The following STXBP5 variants were observed in gnomAD, a reference collection of about 807,000 sequenced individuals.
STXBP5 encodes syntaxin binding protein 5.
STXBP5 carries 50 observed loss-of-function variants against 152.4 expected under a neutral mutation model. The ratio of observed to expected loss-of-function variants is 0.33; its 90% confidence interval spans 0.26 to 0.42. The LOEUF (loss-of-function observed/expected upper bound fraction) is 0.42. STXBP5 is among the 10% of genes least tolerant of loss of function. The pLI is 1.00. For missense variants in STXBP5, 1,167 were observed against 1,388.6 expected (o/e 0.84, Z 2.54); for synonymous variants, 492 against 494.7 (o/e 0.99, Z 0.07).
intron 2 of STXBP5, among the ~76,000 whole-genome samples, chr6:147,214,959 G>A (rs933256667): frequency 5.3e-5 from 8 of 152,172 alleles, no homozygotes; most frequent in Non-Finnish European, 1.0e-4. Context: ...ATCATAGGGT[G>A]GATGAGTATG....
intron 21 of STXBP5, among the ~76,000 whole-genome samples, chr6:147,344,116 A>G (rs1170859981): frequency 1.3e-5 from 2 of 152,202 alleles, no homozygotes; most frequent in African/African-American, 2.4e-5. Context: ...TAAAAATTGG[A>G]AAGTATTGGC....
In STXBP5 at chr6:147,314,620, C is replaced by G; in HGVS notation, c.1386C>G (p.Phe462Leu). 1 of 1,608,198 alleles carries G rather than the reference C, an allele frequency of 6.2e-7. No homozygotes were observed. The highest frequency in any genetic ancestry group is 8.5e-7 in the Non-Finnish European group (1 of 1,177,718). Residue 462 changes from phenylalanine to leucine, a missense_variant, in exon 14 of 28, where the codon TTC (phenylalanine) becomes TTG (leucine). Physicochemically the swap from Phe to Leu is conservative, Grantham distance 22. Transcript: ENST00000321680. ...GGCATGCTGATGGGTCAGTTAAGTT[C>G]TGGGATGCTTCTGCAAGTAAGTATT... ...ITGHADGSVK[F>L]WDASAITLQV...
chr6:147,249,731 G>A (rs910617063), intron 4 of STXBP5, among the ~76,000 whole-genome samples: 13 of 152,158 alleles, frequency 8.5e-5, no homozygotes, highest in African/African-American at 2.9e-4. Context: ...GTTTCTAAAA[G>A]TGTGGCACAG....
At position 147,324,149 on chromosome 6, in the gene STXBP5, C is replaced by T. The variant is rs556373564; in HGVS notation, c.1803-810C>T. On this transcript the variant is annotated intron_variant, in intron 16 of 27. Transcript: ENST00000321680. ...ATTTGTTTTACAGTGAAAGTAGGTG[C>T]ACACACACACACACAAATTGCTCAT... Among the ~76,000 whole-genome samples, 5 of 150,766 alleles carry T rather than the reference C, an allele frequency of 3.3e-5. No homozygotes were observed. The East Asian group carries it at 7.8e-4, about 23-fold the overall frequency.
At chr6:147,277,033 T>C (rs986099467) in intron 7 of STXBP5, among the ~76,000 whole-genome samples, 5 of 152,102 alleles carry the variant, frequency 3.3e-5, no homozygotes, top group East Asian at 1.9e-4. Flanking sequence ...TTTTGACTTA[T>C]GATGAGTTTA....
At chr6:147,374,706 C>T (rs1785725255) in intron 26 of STXBP5, among the ~76,000 whole-genome samples, 2 of 152,034 alleles carry the variant, frequency 1.3e-5, no homozygotes, top group African/African-American at 4.8e-5. Context: ...GAGCGGAGAG[C>T]CTGACAACTT....
chr6:147,305,180 C>G (rs1562475127), intron 9 of STXBP5, among the ~76,000 whole-genome samples: 1 of 152,186 alleles, frequency 6.6e-6, no homozygotes, highest in African/African-American at 2.4e-5. Flanking sequence ...TTGAATGCCA[C>G]TTGACATTGT....
chr6:147,212,925 C>T (rs1298822252), intron 2 of STXBP5, among the ~76,000 whole-genome samples: 7 of 151,854 alleles, frequency 4.6e-5, no homozygotes, highest in Admixed American at 4.6e-4. Flanking sequence ...TTTTTTAATA[C>T]CATTAACAAA....
intron 2 of STXBP5, among the ~76,000 whole-genome samples, chr6:147,211,050 C>A (rs568428156): frequency 3.9e-5 from 6 of 152,118 alleles, no homozygotes; most frequent in Non-Finnish European, 5.9e-5. Flanking sequence ...CAGAGGCTCA[C>A]GCCTGTAATC....
chr6:147,278,299 G>A (rs1452534872), intron 8 of STXBP5, 95 bp downstream of exon 8: 2 of 1,227,126 alleles, frequency 1.6e-6, no homozygotes, highest in Non-Finnish European at 2.2e-6. Flanking sequence ...TTGATTTTTA[G>A]GATAAGGATG....
chr6:147,243,681 GTGTTA>G (rs1778658734), intron 4 of STXBP5, among the ~76,000 whole-genome samples: 1 of 152,088 alleles, frequency 6.6e-6, no homozygotes, highest in Non-Finnish European at 1.5e-5. Flanking sequence ...ATTGCCTCCT[GTGTTA>G]TGTTGTAGAA....
rs1230109885 is a variant in STXBP5, at chr6:147,204,577, C to T, written c.45C>T (p.Ala15=). Residue 15 remains alanine (A), a synonymous_variant, in exon 1 of 28, where the codon GCC becomes GCT. Coordinates refer to ENST00000321680, the MANE Select transcript of STXBP5 (RefSeq NM_001127715.4). The surrounding 1 kb of genome is among the most constrained non-coding windows in gnomAD (Gnocchi z 4.3). The stretch of plus-strand genomic sequence containing the variant: ...GGAAGGTGCTGGACGGCCTGACCGC[C>T]GGCTCGTCCTCGGCGTCGCAGCAGC... ...NIRKVLDGLT[A]GSSSASQQQQ... 6.2e-7 allele frequency: 1 copy of T among 1,609,990 alleles called. No individual in the cohort carries two copies. Among genetic ancestry groups the T allele is most frequent in the Non-Finnish European group, 8.5e-7 (1 of 1,178,322 alleles).
chr6:147,352,122 C>A (rs1412991710), intron 21 of STXBP5, among the ~76,000 whole-genome samples: 1 of 152,132 alleles, frequency 6.6e-6, no homozygotes, highest in Admixed American at 6.6e-5. Context: ...TAAGTTTATA[C>A]ATTCATTCTT....
intron 17 of STXBP5, among the ~76,000 whole-genome samples, chr6:147,326,094 A>G (rs536350382): frequency 3.6e-4 from 55 of 152,312 alleles, no homozygotes; most frequent in African/African-American, 1.3e-3. Context: ...TCCTGGAACC[A>G]AGCTTCTGAA....
At chr6:147,293,052 ATACT>A (rs1461343118) in intron 9 of STXBP5, 1 of 152,140 alleles carries the variant, frequency 6.6e-6, no homozygotes, top group African/African-American at 2.4e-5. Flanking sequence ...ATATACACAA[ATACT>A]TACCATTGTG....
chr6:147,365,235 T>C (rs967381461), intron 25 of STXBP5, among the ~76,000 whole-genome samples: 2 of 152,190 alleles, frequency 1.3e-5, no homozygotes, highest in South Asian at 4.1e-4. Context: ...TATCTGACAT[T>C]AGATTTAAAT....
chr6:147,252,941 C>T (rs1398470461), intron 4 of STXBP5, among the ~76,000 whole-genome samples: 1 of 152,142 alleles, frequency 6.6e-6, no homozygotes, highest in Non-Finnish European at 1.5e-5. Context: ...AAGAGGGACT[C>T]CTCTCTAACT....
intron 23 of STXBP5, among the ~76,000 whole-genome samples, chr6:147,362,728 G>T (rs770660478): frequency 2.6e-5 from 4 of 152,150 alleles, no homozygotes; most frequent in Middle Eastern, 3.4e-3. Flanking sequence ...TAAAAAACAG[G>T]TGAAATTAAT....
Position 147,211,613 on chromosome 6 carries a change from C to T in STXBP5, c.248+5545C>T, listed in dbSNP as rs745362369. 5.3e-5 allele frequency among the ~76,000 whole-genome samples: 8 copies of T among 152,200 alleles called. 1 individual carries two copies. In the South Asian group the frequency reaches 1.2e-3, roughly 24 times the overall value. On this transcript the variant is annotated intron_variant, in intron 2 of 27. Transcript: ENST00000321680. ...TTTTGTTTGTTTGTTTATTTTGAGT[C>T]GGGGTCTTACTCTGTTACCCTGGCA...
Sources: gnomAD v4.1 joint callset for allele counts (sites outside exome capture counted in the v4.1 genomes callset) on GRCh38, gnomAD v4.1.1 for gene constraint, Gnocchi (gnomAD v3.1) non-coding constraint, MANE v1.5 for transcripts, NCBI Gene and HGNC (gene_info 2026-07-23, HGNC 2026-07-21) for gene names.